The following DOP1A variants were observed in gnomAD, a reference collection of about 807,000 sequenced individuals.
DOP1A encodes the protein protein DOP1A.
In DOP1A, 90 loss-of-function variants were observed where a neutral mutation model predicts 267.6. The observed-to-expected ratio is 0.34, with a 90% CI of 0.28 to 0.40. The LOEUF is 0.40. Among genes scored for constraint, DOP1A ranks in the 10% least tolerant of loss-of-function variants. The probability of loss-of-function intolerance (pLI) is 1.00; values close to 1 mark genes in which losing one functional copy is unlikely to be tolerated. For synonymous variants in DOP1A, 932 were observed against 999.1 expected (o/e 0.93, Z 1.27); for missense variants, 2,437 against 2,900.4 (o/e 0.84, Z 3.67).
In DOP1A at chr6:83,125,616, ACT is replaced by A; in HGVS notation, c.1605_1606del (p.Cys536LeufsTer5). The A allele has an allele frequency of 1.2e-6, 2 of 1,613,794 alleles. No homozygotes were observed. The highest frequency in any genetic ancestry group is 1.7e-6 in the Non-Finnish European group (2 of 1,179,808). On this transcript the variant is annotated frameshift_variant, in exon 15 of 39. Coordinates refer to ENST00000349129, the MANE Select transcript of DOP1A (RefSeq NM_015018.4). LOFTEE classifies it high-confidence loss of function. ...HLSELTDSLR[L>X]CSKILSKVQP... ...TATCTGAACTCACAGATTCTCTCAG[ACT>A]CTGCTCAAAGATCCTTAGCAAGGTT...
At chr6:83,164,439 A>T (rs569174594) in intron 38 of DOP1A, among the ~76,000 whole-genome samples, 3 of 151,956 alleles carry the variant, frequency 2.0e-5, no homozygotes, top group Non-Finnish European at 4.4e-5. Flanking sequence ...CTTTTCTGTT[A>T]TGCCTGCCTT....
rs541102709 is a variant in DOP1A at position 83,070,875 on chromosome 6, T to C, written c.-147+3096T>C. ...TATCATCTTCAAAATTTTGGCCATATCTTCCTGTTTGGCATACTTCCTGTT... is the reference window on the plus strand; with the variant it reads ...TATCATCTTCAAAATTTTGGCCATACCTTCCTGTTTGGCATACTTCCTGTT... On this transcript the variant is annotated intron_variant, in intron 1 of 38. Coordinates refer to ENST00000349129, the MANE Select transcript of DOP1A (RefSeq NM_015018.4). Among the ~76,000 whole-genome samples, 6 of 152,378 alleles carry C rather than the reference T, an allele frequency of 3.9e-5. No homozygotes were observed. The South Asian group carries it at 1.2e-3, about 32-fold the overall frequency.
intron 15 of DOP1A, 49 bp from the exon 16 acceptor site, chr6:83,128,838 A>G (rs757585917): frequency 6.0e-6 from 9 of 1,507,164 alleles, no homozygotes; most frequent in Admixed American, 2.4e-5. Context: ...AATTCCTAAT[A>G]TGTACACTTT....
chr6:83,152,266 T>G (rs1781842139), intron 29 of DOP1A, 22 bp from the exon 30 acceptor site: 1 of 1,455,946 alleles, frequency 6.9e-7, no homozygotes. Flanking sequence ...TAGCCATATC[T>G]TTAATTTTCT....
chr6:83,126,965 G>A (rs1777265670), intron 15 of DOP1A, among the ~76,000 whole-genome samples: 1 of 152,102 alleles, frequency 6.6e-6, no homozygotes, highest in African/African-American at 2.4e-5. Context: ...GGTTGGCTCG[G>A]GGATGAAATC....
chr6:83,151,637 A>G lies in DOP1A; in HGVS notation c.5882A>G (p.Lys1961Arg). 1.2e-6 allele frequency: 2 copies of G among 1,609,640 alleles called. No homozygotes were observed. Among genetic ancestry groups the G allele is most frequent in the East Asian group, 2.2e-5 (1 of 44,756 alleles). ...ATGAAAAACCCTAGTTTGGAAAATA[A>G]AAAAGACCAAAGAGACCTTCAGGTA... is the stretch of plus-strand genomic sequence containing the variant. ...FIMKNPSLEN[K>R]KDQRDLQDVT... The change falls in exon 28 of 39, where the codon AAA becomes AGA. Residue 1961 changes from lysine to arginine, a missense_variant. Lys to Arg is a conservative substitution (Grantham distance 26, BLOSUM62 2). Coordinates refer to ENST00000349129, the MANE Select transcript of DOP1A (RefSeq NM_015018.4).
intron 29 of DOP1A, 110 bp from the exon 30 acceptor site, chr6:83,152,170 TATATATAC>T: frequency 3.5e-6 from 3 of 850,300 alleles, no homozygotes; most frequent in Non-Finnish European, 5.4e-6. Context: ...GGGAAAAATA[TATATATAC>T]ATATACATAT....
At chr6:83,099,731 TAC>T (rs1323929207) in intron 3 of DOP1A, among the ~76,000 whole-genome samples, 2 of 120,856 alleles carry the variant, frequency 1.7e-5, no homozygotes, top group Non-Finnish European at 3.6e-5. Flanking sequence ...TATATATATA[TAC>T]ACACGTATAC....
chr6:83,104,200 T>G (rs1278710490), intron 4 of DOP1A, among the ~76,000 whole-genome samples: 1 of 152,198 alleles, frequency 6.6e-6, no homozygotes, highest in Non-Finnish European at 1.5e-5. Flanking sequence ...CTAATAGCTT[T>G]TGGAATTTTG....
At chr6:83,124,640 G>A in intron 12 of DOP1A, 65 bp from the exon 13 acceptor site, 1 of 1,130,210 alleles carries the variant, frequency 8.8e-7, no homozygotes, top group Middle Eastern at 2.0e-4. Flanking sequence ...GAAGGATGAT[G>A]ATGCTGTCAC....
In DOP1A at chr6:83,137,394, G is replaced by T; in HGVS notation, c.3352G>T (p.Ala1118Ser). 6.2e-7 allele frequency: 1 copy of T among 1,613,824 alleles called. No homozygotes were observed. The highest frequency in any genetic ancestry group is 8.5e-7 in the Non-Finnish European group (1 of 1,179,850). Residue 1118 changes from alanine (A) to serine (S), a missense_variant, in exon 21 of 39, where the codon GCT becomes TCT. Ala to Ser is a moderately conservative substitution (Grantham distance 99). Transcript: ENST00000349129. The part of the protein sequence containing the change: ...SSDSGCSQSS[A>S]GDNLSYEVDP... ...TGACTCGGGATGTTCACAGTCCTCT[G>T]CTGGGGACAACTTGAGTTACGAAGT... is the stretch of plus-strand genomic sequence containing the variant.
rs1562361219 is a variant in DOP1A at position 83,145,574 on chromosome 6, T to TTCAA, written c.5596_5599dup (p.Ser1867AsnfsTer55). Reference sequence around the variant, plus strand: ...AGCTTTTATTAGTGGAATTGGTTCGTTCAATCAGTGTCATGAGAGCAGAAA... The same window carrying TTCAA: ...AGCTTTTATTAGTGGAATTGGTTCGTTCAATCAATCAGTGTCATGAGAGCAGAAA... On this transcript the variant is annotated frameshift_variant, in exon 25 of 39. Transcript: ENST00000349129. LOFTEE classifies it high-confidence loss of function. 6.2e-7 allele frequency: 1 copy of TTCAA among 1,612,058 alleles called. No homozygotes were observed. The highest frequency in any genetic ancestry group is 2.2e-5 in the East Asian group (1 of 44,674).
chr6:83,165,733 C>T, intron 38 of DOP1A: 1 of 234,162 alleles, frequency 4.3e-6, no homozygotes, highest in Non-Finnish European at 9.1e-6. Flanking sequence ...GGCAAAACTT[C>T]ATAGCCCAAT....
chr6:83,079,167 C>T (rs1767648650), intron 1 of DOP1A, among the ~76,000 whole-genome samples: 1 of 152,112 alleles, frequency 6.6e-6, no homozygotes, highest in Admixed American at 6.5e-5. Context: ...TGGTCTGTGT[C>T]CAGGGTGAAC....
At chr6:83,155,487 A>G in intron 33 of DOP1A, among the ~76,000 whole-genome samples, 1 of 152,052 alleles carries the variant, frequency 6.6e-6, no homozygotes, top group East Asian at 1.9e-4. Context: ...TAAATTGCAA[A>G]GGTCTTGGGA....
intron 38 of DOP1A, chr6:83,166,082 G>A (rs1034666850): frequency 1.2e-5 from 4 of 336,576 alleles, no homozygotes; most frequent in Middle Eastern, 8.3e-4. Flanking sequence ...ATCACAATCC[G>A]ATAGAGAAAT....
chr6:83,137,857 T>C lies in DOP1A; in HGVS notation c.3815T>C (p.Phe1272Ser), dbSNP rs1311046006. 6 of 1,613,256 alleles carry C rather than the reference T, an allele frequency of 3.7e-6. No homozygotes were observed. Among genetic ancestry groups the C allele is most frequent in the Non-Finnish European group, 5.1e-6 (6 of 1,179,816 alleles). The change falls in exon 21 of 39, where the codon TTC (phenylalanine) becomes TCC (serine). Residue 1272 changes from phenylalanine (F) to serine (S), a missense_variant. Phe to Ser is a radical substitution (Grantham distance 155, BLOSUM62 -2). Around this residue, in one of 9 missense-constraint regions of DOP1A, gnomAD observed 878 missense variants for 992.9 expected, o/e 0.88. Transcript: ENST00000349129. ...QRSHSSIQFS[F>S]KEKLSEKVSE... ...AGTCACAGTAGTATTCAATTCAGCTTCAAAGAAAAATTATCAGAAAAAGTT... is the reference window on the plus strand; with the variant it reads ...AGTCACAGTAGTATTCAATTCAGCTCCAAAGAAAAATTATCAGAAAAAGTT...
intron 3 of DOP1A, among the ~76,000 whole-genome samples, chr6:83,099,844 C>A (rs945551998): frequency 3.9e-5 from 6 of 151,980 alleles, no homozygotes. Flanking sequence ...AACACAATTA[C>A]TTTTGCACTA....
chr6:83,145,800 T>G, intron 25 of DOP1A, 142 bp downstream of exon 25: 1 of 710,162 alleles, frequency 1.4e-6, no homozygotes, highest in South Asian at 2.2e-5. Flanking sequence ...ACTGCTTCAA[T>G]CAAAACAATT....
Sources: gnomAD v4.1 joint callset for allele counts (sites outside exome capture counted in the v4.1 genomes callset) on GRCh38, gnomAD v4.1.1 for gene constraint, gnomAD v4.1.1 regional missense constraint, MANE v1.5 for transcripts, NCBI Gene and HGNC (gene_info 2026-07-23, HGNC 2026-07-21) for gene names.